Variants in ADAMTS3 observed in about 807,000 individuals in gnomAD.
The protein encoded by ADAMTS3 is ADAM metallopeptidase with thrombospondin type 1 motif 3.
In ADAMTS3, 73 loss-of-function variants were observed where a neutral mutation model predicts 129.0. That is an observed-to-expected ratio of 0.57 (90% confidence interval 0.47 to 0.69). The LOEUF (loss-of-function observed/expected upper bound fraction) is 0.69, where lower values mean the gene tolerates loss of function less well. Among genes scored for constraint, ADAMTS3 ranks in the 30% least tolerant of loss-of-function variants. ADAMTS3 has a pLI of 0.00. For synonymous variants in ADAMTS3, 477 were observed against 510.8 expected (o/e 0.93, Z 0.89); for missense variants, 1,457 against 1,514.5 (o/e 0.96, Z 0.63).
chr4:72,550,753 A>T (rs1213010090), intron 2 of ADAMTS3, among the ~76,000 whole-genome samples: 1 of 152,136 alleles, frequency 6.6e-6, no homozygotes, highest in Non-Finnish European at 1.5e-5. Context: ...AACAAACTCA[A>T]AATATAAGAG....
At chr4:72,550,042 AGAGGAAGAGGAAGAGGAAGAG>A (rs1484031998) in intron 2 of ADAMTS3, among the ~76,000 whole-genome samples, 1,345 of 27,084 alleles carry the variant, frequency 0.05, 285 homozygotes, top group Admixed American at 0.078. Context: ...AAGAAGAAGA[AGAGGAAGAGGAAGAGGAAGAG>A]GAAGAGGAAG....
intron 5 of ADAMTS3, among the ~76,000 whole-genome samples, chr4:72,326,785 A>G (rs1226694913): frequency 1.3e-5 from 2 of 152,172 alleles, no homozygotes; most frequent in Non-Finnish European, 2.9e-5. Context: ...ACTGAAAGGG[A>G]CCTCAAGATT....
At chr4:72,521,129 C>T (rs1720660848) in intron 3 of ADAMTS3, among the ~76,000 whole-genome samples, 1 of 151,966 alleles carries the variant, frequency 6.6e-6, no homozygotes, top group Admixed American at 6.6e-5. Context: ...TCCAGAATAG[C>T]TGATACTACA....
intron 3 of ADAMTS3, among the ~76,000 whole-genome samples, chr4:72,527,992 G>A (rs753075241): frequency 2.0e-5 from 3 of 152,116 alleles, no homozygotes; most frequent in Non-Finnish European, 4.4e-5. Context: ...ACAGAAGTAA[G>A]CATGACAGAC....
chr4:72,295,619 G>T lies in ADAMTS3; in HGVS notation c.2723+35C>A. The T allele has an allele frequency of 1.9e-6, 3 of 1,579,382 alleles. No homozygotes were observed. In the South Asian group the frequency reaches 3.5e-5, roughly 18 times the overall value. The stretch of plus-strand genomic sequence containing the variant: ...CTAAAGGCAGTGAAGTCCTGATTTT[G>T]ACCTCCAGATATGATAGTTAAAATA... On this transcript the variant is annotated intron_variant, in intron 19 of 21. Transcript: ENST00000286657.
At chr4:72,388,895 C>A (rs1721512986) in intron 4 of ADAMTS3, among the ~76,000 whole-genome samples, 1 of 152,206 alleles carries the variant, frequency 6.6e-6, no homozygotes, top group Non-Finnish European at 1.5e-5. Context: ...AGTGGTGTCA[C>A]ACAGAACACA....
At chr4:72,431,805 A>C (rs1949676495) in intron 3 of ADAMTS3, among the ~76,000 whole-genome samples, 1 of 152,010 alleles carries the variant, frequency 6.6e-6, no homozygotes. Context: ...AAATGGGAAG[A>C]GGCGATACAT....
chr4:72,557,744 T>G (rs1721804962), intron 2 of ADAMTS3, among the ~76,000 whole-genome samples: 1 of 151,722 alleles, frequency 6.6e-6, no homozygotes, highest in South Asian at 2.1e-4. Context: ...TGAAATCAGG[T>G]AAGAGAAGAT....
intron 3 of ADAMTS3, among the ~76,000 whole-genome samples, chr4:72,454,163 TTTA>T (rs1287204583): frequency 6.6e-6 from 1 of 151,512 alleles, no homozygotes; most frequent in Non-Finnish European, 1.5e-5. Flanking sequence ...GACTGTTCAT[TTTA>T]TTTTTTATTG....
At chr4:72,500,276 A>G (rs1719977752) in intron 3 of ADAMTS3, among the ~76,000 whole-genome samples, 1 of 152,150 alleles carries the variant, frequency 6.6e-6, no homozygotes, top group Admixed American at 6.6e-5. Context: ...CAGCCTTGAC[A>G]GCATCTGTTA....
In ADAMTS3 at chr4:72,375,132, A is replaced by G. The variant is rs563877311; in HGVS notation, c.662-35439T>C. ...ATTCCTCCATTCCATTTCTAGCATTATCTCACCCTTCAGGCTTTATGCGAG... is the reference window on the plus strand; with the variant it reads ...ATTCCTCCATTCCATTTCTAGCATTGTCTCACCCTTCAGGCTTTATGCGAG... On this transcript the variant is annotated intron_variant, in intron 4 of 21. Coordinates refer to ENST00000286657, the MANE Select transcript of ADAMTS3 (RefSeq NM_014243.3). Among the ~76,000 whole-genome samples, 5 of 152,200 alleles carry G rather than the reference A, an allele frequency of 3.3e-5. No homozygotes were observed. The South Asian group carries it at 1.0e-3, about 32-fold the overall frequency.
chr4:72,483,559 C>A (rs554606418), intron 3 of ADAMTS3, among the ~76,000 whole-genome samples: 1 of 152,274 alleles, frequency 6.6e-6, no homozygotes, highest in South Asian at 2.1e-4. Context: ...GATAACCAGA[C>A]AATACATTTG....
chr4:72,498,530 C>T (rs895754134), intron 3 of ADAMTS3, among the ~76,000 whole-genome samples: 1 of 152,034 alleles, frequency 6.6e-6, no homozygotes, highest in African/African-American at 2.4e-5. Flanking sequence ...GGCATACCTA[C>T]TAAATCACAT....
intron 3 of ADAMTS3, among the ~76,000 whole-genome samples, chr4:72,520,135 G>A (rs533038147): frequency 7.2e-5 from 11 of 151,998 alleles, no homozygotes; most frequent in South Asian, 2.1e-4. Context: ...TATCAGCAGC[G>A]GTGGCTGCAG....
rs1333917572 is a variant in ADAMTS3, at chr4:72,550,052, GA to G, written c.98-1169del. On this transcript the variant is annotated intron_variant, in intron 2 of 21. Transcript: ENST00000286657. ...AGAAGAAGAAGAAGAAGAGGAAGAG[GA>G]AGAGGAAGAGGAAGAGGAAGAGGAA... Among the ~76,000 whole-genome samples, 27 of 8,308 alleles carry G rather than the reference GA, an allele frequency of 3.2e-3. 3 individuals are homozygous for G. The highest frequency in any genetic ancestry group is 7.4e-3 in the African/African-American group (19 of 2,576). The allele number at this position is 8,308 out of a possible 152,430, so 5.5% of individuals were successfully genotyped here.
intron 21 of ADAMTS3, among the ~76,000 whole-genome samples, chr4:72,284,295 A>C (rs1210783184): frequency 6.6e-6 from 1 of 152,134 alleles, no homozygotes; most frequent in African/African-American, 2.4e-5. Context: ...TACAAAAAAA[A>C]TTAGCCAGGC....
chr4:72,418,486 G>A (rs1186580931), intron 3 of ADAMTS3, among the ~76,000 whole-genome samples: 1 of 152,096 alleles, frequency 6.6e-6, no homozygotes, highest in Non-Finnish European at 1.5e-5. Flanking sequence ...CAATCATCCA[G>A]GAGTCCAGGT....
At chr4:72,291,413 A>C (rs140291023) in intron 19 of ADAMTS3, among the ~76,000 whole-genome samples, 28 of 96,448 alleles carry the variant, frequency 2.9e-4, no homozygotes, top group South Asian at 7.4e-4. Context: ...CCCCCACCCC[A>C]CAACAGTCCC....
intron 4 of ADAMTS3, among the ~76,000 whole-genome samples, chr4:72,351,512 T>C (rs917285260): frequency 1.3e-5 from 2 of 151,100 alleles, no homozygotes; most frequent in Non-Finnish European, 2.9e-5. Flanking sequence ...CAGTATCATA[T>C]GTAAGAAAGT....
Sources: allele counts gnomAD v4.1 joint callset (sites outside exome capture counted in the v4.1 genomes callset), GRCh38; gene constraint gnomAD v4.1.1; transcripts MANE v1.5; gene names NCBI Gene and HGNC (gene_info 2026-07-23, HGNC 2026-07-21).